Variants in KCNG2 observed in about 807,000 individuals in gnomAD.
The protein encoded by KCNG2 is voltage-gated potassium channel regulatory subunit KCNG2.
A neutral mutation model predicts 12.3 loss-of-function variants in KCNG2; 7 were observed. The observed-to-expected ratio is 0.57, with a 90% CI of 0.32 to 1.07. The LOEUF (loss-of-function observed/expected upper bound fraction) is 1.07, where lower values mean the gene tolerates loss of function less well. Ranked by LOEUF, KCNG2 falls within the 50% of genes least tolerant of loss-of-function variation. The pLI, the probability that KCNG2 is intolerant of heterozygous loss-of-function variation, is 0.04. For missense variants in KCNG2, 703 were observed against 726.0 expected, an observed-to-expected ratio of 0.97 and a Z score of 0.36; for synonymous variants, 414 against 351.4, an observed-to-expected ratio of 1.18 and a Z score of -1.99.
chr18:79,809,463 C>A (rs35580736), intron 1 of KCNG2, among the ~76,000 whole-genome samples: 4 of 136,788 alleles, frequency 2.9e-5, no homozygotes, highest in Non-Finnish European at 4.7e-5. Flanking sequence ...GCTGCCGGGG[C>A]CGCGCTGACC....
At chr18:79,831,580 A>C (rs369465048) in intron 1 of KCNG2, among the ~76,000 whole-genome samples, 1 of 107,520 alleles carries the variant, frequency 9.3e-6, no homozygotes, top group African/African-American at 3.4e-5. Flanking sequence ...CTTCGTCAGG[A>C]GCGTGCCCTG....
chr18:79,888,403 G>T (rs925662871), intron 3 of KCNG2, among the ~76,000 whole-genome samples: 16 of 151,104 alleles, frequency 1.1e-4, no homozygotes, highest in African/African-American at 3.2e-4. Flanking sequence ...GGGCCGGGAC[G>T]GCGGCGTCCT....
chr18:79,849,866 G>A (rs1450286071), intron 1 of KCNG2, among the ~76,000 whole-genome samples: 1 of 150,006 alleles, frequency 6.7e-6, no homozygotes, highest in African/African-American at 2.4e-5. Flanking sequence ...GGAGGAACCC[G>A]AGACTCCACC....
chr18:79,863,441 T>C (rs1324781580), intron 2 of KCNG2, among the ~76,000 whole-genome samples, 187 bp from the exon 3 acceptor site: 2 of 152,212 alleles, frequency 1.3e-5, no homozygotes, highest in African/African-American at 2.4e-5. Context: ...CGCTGGACGC[T>C]TGAGGGTCCC....
chr18:79,843,218 A>G (rs1978518096), intron 1 of KCNG2, among the ~76,000 whole-genome samples: 1 of 152,212 alleles, frequency 6.6e-6, no homozygotes, highest in South Asian at 2.1e-4. Context: ...AGTGCTGGAA[A>G]AAAAAAGTCA....
chr18:79,892,767 C>G (rs1282561036), intron 3 of KCNG2, among the ~76,000 whole-genome samples: 2 of 150,276 alleles, frequency 1.3e-5, no homozygotes, highest in African/African-American at 4.9e-5. Context: ...TCACTCCATT[C>G]AAAATGATTG....
intron 1 of KCNG2, among the ~76,000 whole-genome samples, chr18:79,836,957 A>G (rs955824848): frequency 4.6e-5 from 7 of 152,196 alleles, no homozygotes; most frequent in Non-Finnish European, 1.0e-4. Flanking sequence ...TGGCTTCCAA[A>G]CAGTCCCCCA....
At chr18:79,819,107 G>C (rs183871270) in intron 1 of KCNG2, among the ~76,000 whole-genome samples, 1 of 152,204 alleles carries the variant, frequency 6.6e-6, no homozygotes, top group East Asian at 1.9e-4. Flanking sequence ...GACTCGTTCC[G>C]CAACAGCAGA....
At chr18:79,826,764 G>A (rs1599374172) in intron 1 of KCNG2, among the ~76,000 whole-genome samples, 1 of 144,808 alleles carries the variant, frequency 6.9e-6, no homozygotes, top group Middle Eastern at 3.8e-3. Flanking sequence ...CCTCACGGAA[G>A]GTTAGTTCGG....
chr18:79,847,498 C>A (rs1269031502), intron 1 of KCNG2, among the ~76,000 whole-genome samples: 1 of 152,222 alleles, frequency 6.6e-6, no homozygotes, highest in Non-Finnish European at 1.5e-5. Context: ...GTGCGGACCA[C>A]GCTCCCTGTG....
intron 2 of KCNG2, among the ~76,000 whole-genome samples, chr18:79,857,999 T>C (rs1599398007): frequency 6.6e-6 from 1 of 152,264 alleles, no homozygotes; most frequent in Non-Finnish European, 1.5e-5. Context: ...ATGGATATTT[T>C]ATTTTATTTA....
intron 1 of KCNG2, among the ~76,000 whole-genome samples, chr18:79,826,693 A>G (rs1978286365): frequency 6.9e-6 from 1 of 144,460 alleles, no homozygotes; most frequent in Non-Finnish European, 1.5e-5. Context: ...GCAGCTCCTC[A>G]CGGAAGGTTA....
chr18:79,881,552 A>G (rs991735763), intron 3 of KCNG2, among the ~76,000 whole-genome samples: 2 of 152,250 alleles, frequency 1.3e-5, no homozygotes, highest in African/African-American at 2.4e-5. Flanking sequence ...GCCTAGGTCC[A>G]GGATCCATCT....
At chr18:79,806,060 C>A (rs890865693) in intron 1 of KCNG2, among the ~76,000 whole-genome samples, 2 of 152,184 alleles carry the variant, frequency 1.3e-5, no homozygotes, top group Non-Finnish European at 2.9e-5. Flanking sequence ...GCTGGGATAG[C>A]CCACACAGGT....
At chr18:79,823,850 C>T (rs753766536) in intron 1 of KCNG2, among the ~76,000 whole-genome samples, 9 of 152,200 alleles carry the variant, frequency 5.9e-5, no homozygotes, top group Admixed American at 1.3e-4. Context: ...ACCTCCACAG[C>T]GCCAAGTCTC....
intron 1 of KCNG2, among the ~76,000 whole-genome samples, chr18:79,830,371 C>CT (rs1978292080): frequency 6.6e-6 from 1 of 152,264 alleles, no homozygotes. Context: ...TGGCAGGAAA[C>CT]ATGTCTGCAA....
At position 79,881,031 on chromosome 18, in the gene KCNG2, G is replaced by A. The variant is rs144863928; in HGVS notation, c.624+16740G>A. On this transcript the variant is annotated intron_variant, in intron 3 of 3. Coordinates refer to ENST00000316249, the MANE Select transcript of KCNG2 (RefSeq NM_012283.2). ...ATAGCAAAAGACTGAATGTTTTCCC[G>A]TTAAGATTGGGACCAACCCAAGGAT... Among the ~76,000 whole-genome samples, 129 of 152,310 alleles carry A rather than the reference G, an allele frequency of 8.5e-4. 1 individual carries two copies. Among genetic ancestry groups the A allele is most frequent in the African/African-American group, 2.8e-3 (116 of 41,566 alleles).
chr18:79,855,647 T>A (rs879595625), intron 1 of KCNG2, among the ~76,000 whole-genome samples: 1 of 151,964 alleles, frequency 6.6e-6, no homozygotes, highest in Non-Finnish European at 1.5e-5. Flanking sequence ...AACCTTCTGG[T>A]ACTGGCTGGT....
chr18:79,875,257 T>G (rs926367032), intron 3 of KCNG2, among the ~76,000 whole-genome samples: 1 of 152,152 alleles, frequency 6.6e-6, no homozygotes, highest in Non-Finnish European at 1.5e-5. Flanking sequence ...TGCCCCATCA[T>G]GGGAAGAAAG....
Sources: allele counts gnomAD v4.1 joint callset (sites outside exome capture counted in the v4.1 genomes callset), GRCh38; gene constraint gnomAD v4.1.1; transcripts MANE v1.5; gene names NCBI Gene and HGNC (gene_info 2026-07-23, HGNC 2026-07-21).